Variants in MAP7 observed in about 807,000 individuals in gnomAD.
MAP7 encodes the protein ensconsin.
MAP7 carries 52 observed loss-of-function variants against 94.8 expected under a neutral mutation model. The observed-to-expected ratio is 0.55, with a 90% CI of 0.44 to 0.69. The LOEUF is 0.69. Ranked by LOEUF, MAP7 falls within the 30% of genes least tolerant of loss-of-function variation. The pLI, the probability that MAP7 is intolerant of heterozygous loss-of-function variation, is 0.00. For synonymous variants in MAP7, 350 were observed against 357.0 expected (o/e 0.98, Z 0.22); for missense variants, 940 against 964.6 (o/e 0.97, Z 0.34).
chr6:136,358,737 T>G (rs1791680506), intron 15 of MAP7, among the ~76,000 whole-genome samples: 1 of 152,250 alleles, frequency 6.6e-6, no homozygotes, highest in African/African-American at 2.4e-5. Context: ...CTCTGGTCTT[T>G]TCTTTTCATA....
intron 3 of MAP7, among the ~76,000 whole-genome samples, chr6:136,396,962 T>C (rs73565411): frequency 5.9e-5 from 9 of 152,356 alleles, no homozygotes; most frequent in African/African-American, 2.2e-4. Flanking sequence ...CTAGACATTA[T>C]TGCAACAATA....
At chr6:136,364,014 G>T (rs139327721) in intron 10 of MAP7, 97 of 227,716 alleles carry the variant, frequency 4.3e-4, no homozygotes, top group African/African-American at 2.1e-3. Context: ...CTCAGCTGCT[G>T]CCAAGCTGCA....
chr6:136,449,322 C>T (rs746605775), intron 1 of MAP7, among the ~76,000 whole-genome samples: 25 of 147,910 alleles, frequency 1.7e-4, no homozygotes, highest in Non-Finnish European at 3.6e-4. Context: ...CAAACAAAAA[C>T]GAAAACAAAA....
At chr6:136,382,175 A>T (rs1212308373) in intron 6 of MAP7, among the ~76,000 whole-genome samples, 1 of 151,892 alleles carries the variant, frequency 6.6e-6, no homozygotes, top group East Asian at 1.9e-4. Context: ...TCGTGCAGAG[A>T]GTCTAGAATA....
chr6:136,414,032 G>A (rs993352257), intron 2 of MAP7, among the ~76,000 whole-genome samples: 5 of 151,630 alleles, frequency 3.3e-5, no homozygotes, highest in African/African-American at 9.7e-5. Flanking sequence ...GGCGGATCAC[G>A]AGGTCAGGAG....
rs1397351606 is a variant in MAP7 at position 136,382,069 on chromosome 6, G to A, written c.637+1602C>T. 3.3e-5 allele frequency among the ~76,000 whole-genome samples: 5 copies of A among 152,182 alleles called. No homozygotes were observed. In the South Asian group the frequency reaches 6.2e-4, roughly 19 times the overall value. ...CCTGTAGGACATTAAAGAGAGGCTCGCAACCTCTTAGGGACTCTATCACCC... is the reference window on the plus strand; with the variant it reads ...CCTGTAGGACATTAAAGAGAGGCTCACAACCTCTTAGGGACTCTATCACCC... On this transcript the variant is annotated intron_variant, in intron 6 of 17. Transcript: ENST00000354570.
At chr6:136,466,738 A>G (rs1268131561) in intron 1 of MAP7, 2 of 1,533,258 alleles carry the variant, frequency 1.3e-6, no homozygotes, top group Admixed American at 3.9e-5. Flanking sequence ...TTTTCAAAAC[A>G]CATTTTGAGC....
chr6:136,433,666 C>G (rs1447704633), intron 1 of MAP7, among the ~76,000 whole-genome samples: 1 of 152,178 alleles, frequency 6.6e-6, no homozygotes, highest in Admixed American at 6.5e-5. Context: ...CATTCCTACC[C>G]TTCTTAGTTT....
intron 1 of MAP7, among the ~76,000 whole-genome samples, chr6:136,512,044 G>T (rs1436188511): frequency 6.6e-6 from 1 of 152,192 alleles, no homozygotes; most frequent in African/African-American, 2.4e-5. Context: ...GTGGACAAAG[G>T]TCGTTAATAC....
At chr6:136,512,000 C>T (rs909604015) in intron 1 of MAP7, among the ~76,000 whole-genome samples, 12 of 152,064 alleles carry the variant, frequency 7.9e-5, no homozygotes, top group African/African-American at 2.4e-4. Context: ...ATGTCCTAGC[C>T]GAAAACAAAC....
intron 2 of MAP7, among the ~76,000 whole-genome samples, chr6:136,416,684 T>C (rs1789543399): frequency 6.6e-6 from 1 of 152,084 alleles, no homozygotes; most frequent in South Asian, 2.1e-4. Flanking sequence ...TGCACGCCTG[T>C]TATCCAAGCT....
intron 6 of MAP7, among the ~76,000 whole-genome samples, chr6:136,379,099 T>C (rs1025930896): frequency 2.0e-5 from 3 of 152,222 alleles, no homozygotes; most frequent in African/African-American, 7.2e-5. Flanking sequence ...TGGCAAAGTC[T>C]CCTTTGCCTC....
intron 1 of MAP7, among the ~76,000 whole-genome samples, chr6:136,465,057 T>G (rs575088943): frequency 6.6e-6 from 1 of 152,200 alleles, no homozygotes; most frequent in Non-Finnish European, 1.5e-5. Flanking sequence ...ATGTGGACTT[T>G]CATGAATGAG....
chr6:136,462,342 A>G (rs955367303), intron 1 of MAP7, among the ~76,000 whole-genome samples: 13 of 152,244 alleles, frequency 8.5e-5, no homozygotes, highest in Middle Eastern at 3.4e-3. Flanking sequence ...GAACTTGAGC[A>G]TTTTTAGGTT....
At chr6:136,385,599 C>A (rs1469902924) in intron 5 of MAP7, among the ~76,000 whole-genome samples, 3 of 152,100 alleles carry the variant, frequency 2.0e-5, no homozygotes, top group African/African-American at 7.2e-5. Context: ...ACAGTGGATC[C>A]TTGTATCCTA....
chr6:136,367,935 G>C (rs899892712), intron 8 of MAP7, among the ~76,000 whole-genome samples: 1 of 152,002 alleles, frequency 6.6e-6, no homozygotes, highest in African/African-American at 2.4e-5. Flanking sequence ...AGATCAATGG[G>C]TGATGTAAAT....
chr6:136,456,767 G>GGAGGAATAAGAAGAAGAAGAA (rs1179338276), intron 1 of MAP7, among the ~76,000 whole-genome samples: 2 of 60,520 alleles, frequency 3.3e-5, no homozygotes, highest in African/African-American at 1.5e-4. Flanking sequence ...AGGAGGAGGA[G>GGAGGAATAAGAAGAAGAAGAA]GAAGAAGAAG....
intron 1 of MAP7, among the ~76,000 whole-genome samples, chr6:136,424,457 T>C (rs1394720966): frequency 3.3e-5 from 5 of 152,140 alleles, no homozygotes; most frequent in African/African-American, 1.2e-4. Flanking sequence ...CATGTGAGTG[T>C]TGAGGTAAAG....
intron 1 of MAP7, chr6:136,526,505 C>CT (rs1288527442): frequency 1.8e-5 from 18 of 985,572 alleles, no homozygotes; most frequent in Non-Finnish European, 1.9e-5. Flanking sequence ...ACAACCCTAA[C>CT]ATATCCTAAT....
Sources: allele counts gnomAD v4.1 joint callset (sites outside exome capture counted in the v4.1 genomes callset), GRCh38; gene constraint gnomAD v4.1.1; transcripts MANE v1.5; gene names NCBI Gene and HGNC (gene_info 2026-07-23, HGNC 2026-07-21).